The following SLC39A11 variants were observed in gnomAD, a reference collection of about 807,000 sequenced individuals.
SLC39A11 encodes the protein zinc transporter ZIP11.
In SLC39A11, 33 loss-of-function variants were observed where a neutral mutation model predicts 36.1. That is an observed-to-expected ratio of 0.91 (90% CI 0.69 to 1.22). The LOEUF (loss-of-function observed/expected upper bound fraction) is 1.22, where lower values mean the gene tolerates loss of function less well. SLC39A11 is among the 50% of genes most tolerant of loss of function. The pLI is 0.00. For missense variants in SLC39A11, 432 were observed against 430.3 expected, an observed-to-expected ratio of 1.00 and a Z score of -0.03; for synonymous variants, 166 against 170.3, an observed-to-expected ratio of 0.97 and a Z score of 0.20.
At chr17:72,666,883 C>T (rs1219851719) in intron 7 of SLC39A11, among the ~76,000 whole-genome samples, 3 of 152,318 alleles carry the variant, frequency 2.0e-5, no homozygotes, top group East Asian at 1.9e-4. Flanking sequence ...ATGATTATTC[C>T]TATTCCTTTG....
chr17:72,702,271 C>T (rs1567963559), intron 7 of SLC39A11, among the ~76,000 whole-genome samples: 1 of 152,150 alleles, frequency 6.6e-6, no homozygotes, highest in African/African-American at 2.4e-5. Flanking sequence ...TTAGGCAGCA[C>T]CTAGCACAGT....
At chr17:73,022,378 T>C (rs888860697) in intron 4 of SLC39A11, among the ~76,000 whole-genome samples, 1 of 151,992 alleles carries the variant, frequency 6.6e-6, no homozygotes, top group African/African-American at 2.4e-5. Context: ...GCAAATCACC[T>C]GAGGTCAGGA....
chr17:73,016,268 T>C (rs955365811), intron 4 of SLC39A11, among the ~76,000 whole-genome samples: 1 of 152,076 alleles, frequency 6.6e-6, no homozygotes, highest in Non-Finnish European at 1.5e-5. Flanking sequence ...CTGATAAAAG[T>C]AAAGATTCCT....
At chr17:72,993,596 C>T (rs2089319589) in intron 4 of SLC39A11, among the ~76,000 whole-genome samples, 1 of 152,194 alleles carries the variant, frequency 6.6e-6, no homozygotes, top group Non-Finnish European at 1.5e-5. Flanking sequence ...CAATCCTTTT[C>T]CCACTGAATT....
intron 6 of SLC39A11, among the ~76,000 whole-genome samples, chr17:72,756,786 T>C (rs763173832): frequency 3.9e-4 from 59 of 152,184 alleles, no homozygotes; most frequent in Non-Finnish European, 6.8e-4. Flanking sequence ...ATGGTAATTT[T>C]GTTATGAGTA....
chr17:73,023,162 G>A (rs1300229664), intron 4 of SLC39A11, among the ~76,000 whole-genome samples: 1 of 151,764 alleles, frequency 6.6e-6, no homozygotes, highest in Non-Finnish European at 1.5e-5. Flanking sequence ...CACTGGTTCA[G>A]AACGCCCAGT....
At chr17:72,880,062 T>C (rs2146528067) in intron 5 of SLC39A11, among the ~76,000 whole-genome samples, 1 of 152,314 alleles carries the variant, frequency 6.6e-6, no homozygotes, top group East Asian at 1.9e-4. Context: ...CTGAGATGAT[T>C]AAACTCTTTC....
At chr17:73,079,628 A>G (rs1262044292) in intron 3 of SLC39A11, among the ~76,000 whole-genome samples, 3 of 152,218 alleles carry the variant, frequency 2.0e-5, no homozygotes, top group Non-Finnish European at 4.4e-5. Flanking sequence ...TCAACATAGT[A>G]CTAGAAGTCC....
intron 7 of SLC39A11, among the ~76,000 whole-genome samples, chr17:72,654,741 G>A (rs1264569509): frequency 6.6e-6 from 1 of 152,204 alleles, no homozygotes; most frequent in East Asian, 1.9e-4. Flanking sequence ...CTTGGTGGCT[G>A]GCTCTCAGTC....
intron 3 of SLC39A11, among the ~76,000 whole-genome samples, chr17:73,063,268 C>T (rs764449070): frequency 4.6e-5 from 7 of 151,714 alleles, no homozygotes; most frequent in Non-Finnish European, 7.4e-5. Flanking sequence ...AAGGTACTAC[C>T]GTTAGCACTA....
chr17:72,883,656 G>T (rs890451845), intron 5 of SLC39A11, among the ~76,000 whole-genome samples: 1 of 152,146 alleles, frequency 6.6e-6, no homozygotes, highest in East Asian at 1.9e-4. Context: ...CCATTCATTT[G>T]TAAGGGAGAA....
At chr17:72,692,810 C>T (rs2072097529) in intron 7 of SLC39A11, among the ~76,000 whole-genome samples, 2 of 152,084 alleles carry the variant, frequency 1.3e-5, no homozygotes, top group Non-Finnish European at 2.9e-5. Flanking sequence ...CAACTTGGGA[C>T]TGGAAAAAAG....
At chr17:72,958,908 C>A (rs184097635) in intron 4 of SLC39A11, among the ~76,000 whole-genome samples, 4 of 147,624 alleles carry the variant, frequency 2.7e-5, no homozygotes, top group African/African-American at 9.9e-5. Flanking sequence ...AAGAAACATA[C>A]GAAAAAATGC....
At chr17:73,004,216 AAAG>A (rs774738475) in intron 4 of SLC39A11, among the ~76,000 whole-genome samples, 4,222 of 122,630 alleles carry the variant, frequency 0.034, 333 homozygotes, top group Non-Finnish European at 0.042. Flanking sequence ...AGAAAGAAAG[AAAG>A]AAAGAAAGAA....
chr17:73,063,074 G>A (rs1039424849), intron 3 of SLC39A11, among the ~76,000 whole-genome samples: 4 of 152,146 alleles, frequency 2.6e-5, no homozygotes, highest in African/African-American at 9.7e-5. Flanking sequence ...AGACATCCCT[G>A]TCAAAATCTC....
rs374862983 is a variant in SLC39A11, at chr17:72,851,298, GA to G, written c.431-1495del. 3.5e-4 allele frequency among the ~76,000 whole-genome samples: 54 copies of G among 152,214 alleles called. No individual in the cohort carries two copies. The East Asian group carries it at 9.1e-3, about 26-fold the overall frequency. On this transcript the variant is annotated intron_variant, in intron 5 of 9. Coordinates refer to ENST00000255559, the MANE Select transcript of SLC39A11 (RefSeq NM_139177.4). Reference sequence around the variant, plus strand: ...CTGGGCTATTTGTTTATTCATAATGGAGCCAAATTGTGTGGATTTGAAATTG... The same window carrying G: ...CTGGGCTATTTGTTTATTCATAATGGGCCAAATTGTGTGGATTTGAAATTG...
chr17:72,919,790 G>A (rs1043168692), intron 5 of SLC39A11, among the ~76,000 whole-genome samples: 2 of 152,020 alleles, frequency 1.3e-5, no homozygotes, highest in East Asian at 1.9e-4. Flanking sequence ...CGGGCAGCAC[G>A]GCCACCACAG....
chr17:73,042,541 C>T (rs535861968), intron 3 of SLC39A11, among the ~76,000 whole-genome samples: 10 of 152,326 alleles, frequency 6.6e-5, no homozygotes, highest in East Asian at 1.9e-4. Flanking sequence ...TAGCTCACGC[C>T]TGTAATCCCA....
At chr17:72,701,796 GAAA>G (rs376856578) in intron 7 of SLC39A11, among the ~76,000 whole-genome samples, 1 of 49,712 alleles carries the variant, frequency 2.0e-5, no homozygotes, top group Non-Finnish European at 4.5e-5. Context: ...GGAAGGAAAA[GAAA>G]AAAAAAAAGA....
Sources: gnomAD v4.1 joint callset for allele counts (sites outside exome capture counted in the v4.1 genomes callset) on GRCh38, gnomAD v4.1.1 for gene constraint, MANE v1.5 for transcripts, NCBI Gene and HGNC (gene_info 2026-07-23, HGNC 2026-07-21) for gene names.